PRKG1: variants seen among roughly 807,000 people sequenced by gnomAD.
The protein encoded by PRKG1 is cGMP-dependent protein kinase 1.
A neutral mutation model predicts 88.1 loss-of-function variants in PRKG1; 35 were observed. The observed-to-expected ratio is 0.40, with a 90% CI of 0.30 to 0.53. The LOEUF is 0.53. PRKG1 is among the 20% of genes least tolerant of loss of function. The pLI, the probability that PRKG1 is intolerant of heterozygous loss-of-function variation, is 0.59. For synonymous variants in PRKG1, 303 were observed against 292.5 expected, an observed-to-expected ratio of 1.04 and a Z score of -0.37; for missense variants, 540 against 839.8, an observed-to-expected ratio of 0.64 and a Z score of 4.41.
chr10:52,251,901 T>A, intron 10 of PRKG1: 1 of 430,296 alleles, frequency 2.3e-6, no homozygotes, highest in Non-Finnish European at 4.1e-6. Flanking sequence ...GAAAACCTCT[T>A]CATATTAAGT....
intron 3 of PRKG1, among the ~76,000 whole-genome samples, chr10:51,731,728 G>T (rs1211027855): frequency 6.6e-6 from 1 of 152,178 alleles, no homozygotes; most frequent in African/African-American, 2.4e-5. Context: ...TTTAGATTTG[G>T]AGAGAGAGAT....
At chr10:51,546,399 T>C (rs1842445916) in intron 3 of PRKG1, among the ~76,000 whole-genome samples, 1 of 152,130 alleles carries the variant, frequency 6.6e-6, no homozygotes, top group Non-Finnish European at 1.5e-5. Context: ...TACACTAATT[T>C]GTATTAATTC....
intron 2 of PRKG1, among the ~76,000 whole-genome samples, chr10:51,439,464 C>T (rs949900473): frequency 1.3e-5 from 2 of 151,870 alleles, no homozygotes; most frequent in Non-Finnish European, 2.9e-5. Flanking sequence ...CTCTGGCATT[C>T]CTACTTTTGC....
chr10:51,036,431 G>A (rs1341873452), intron 1 of PRKG1, among the ~76,000 whole-genome samples: 2 of 152,102 alleles, frequency 1.3e-5, no homozygotes, highest in Non-Finnish European at 2.9e-5. Context: ...ATATGAGCAT[G>A]GAGAAGGGAT....
At chr10:51,255,342 G>T (rs1839529439) in intron 2 of PRKG1, among the ~76,000 whole-genome samples, 1 of 152,066 alleles carries the variant, frequency 6.6e-6, no homozygotes, top group African/African-American at 2.4e-5. Context: ...TAGAAACACA[G>T]AATTTTAGAA....
chr10:51,480,321 T>TG (rs1840317662), intron 3 of PRKG1, among the ~76,000 whole-genome samples: 1 of 152,180 alleles, frequency 6.6e-6, no homozygotes, highest in African/African-American at 2.4e-5. Flanking sequence ...TTGCCAAAGG[T>TG]GTTCTTATAA....
At chr10:51,981,187 A>C (rs186441867) in intron 5 of PRKG1, among the ~76,000 whole-genome samples, 10 of 152,098 alleles carry the variant, frequency 6.6e-5, no homozygotes, top group Admixed American at 5.2e-4. Flanking sequence ...TCTGGTGATA[A>C]ATTCCCTCAG....
At chr10:51,497,280 T>C (rs1840886252) in intron 3 of PRKG1, among the ~76,000 whole-genome samples, 1 of 152,180 alleles carries the variant, frequency 6.6e-6, no homozygotes, top group Admixed American at 6.6e-5. Flanking sequence ...AGATTTTCTT[T>C]CTTAACAGTC....
chr10:51,807,886 T>C lies in PRKG1; in HGVS notation c.698+3196T>C, dbSNP rs573407605. On this transcript the variant is annotated intron_variant, in intron 4 of 17. Coordinates refer to ENST00000373980, the MANE Select transcript of PRKG1 (RefSeq NM_006258.4). ...TTCTATGGCTTGCCTCAGGGGAGAATGAGAAGCCAGAGACAGGAGGCAGGA... is the reference window on the plus strand; with the variant it reads ...TTCTATGGCTTGCCTCAGGGGAGAACGAGAAGCCAGAGACAGGAGGCAGGA... Among the ~76,000 whole-genome samples, 15 of 152,152 alleles carry C rather than the reference T, an allele frequency of 9.9e-5. No homozygotes were observed. In the South Asian group the frequency reaches 3.1e-3, roughly 32 times the overall value.
chr10:51,875,012 T>G (rs1205166420), intron 4 of PRKG1, among the ~76,000 whole-genome samples: 2 of 152,176 alleles, frequency 1.3e-5, no homozygotes, highest in Admixed American at 1.3e-4. Context: ...AAATGAGATA[T>G]TTCAAAAGTG....
chr10:51,857,204 C>A (rs1307498780), intron 4 of PRKG1, among the ~76,000 whole-genome samples: 1 of 152,106 alleles, frequency 6.6e-6, no homozygotes, highest in Non-Finnish European at 1.5e-5. Flanking sequence ...TCCAGTGAAA[C>A]TGAAGAGCTA....
chr10:51,430,149 C>A (rs1385360639), intron 2 of PRKG1, among the ~76,000 whole-genome samples: 1 of 148,966 alleles, frequency 6.7e-6, no homozygotes, highest in Non-Finnish European at 1.5e-5. Flanking sequence ...GGCGTGGTGG[C>A]TCATGCCTGT....
intron 3 of PRKG1, among the ~76,000 whole-genome samples, chr10:51,502,674 C>T (rs976452725): frequency 6.6e-6 from 1 of 152,082 alleles, no homozygotes; most frequent in Non-Finnish European, 1.5e-5. Context: ...CTATCCAAAT[C>T]CCACAGTTAC....
chr10:51,743,737 A>AATATATATATATATATATAT (rs369411662), intron 3 of PRKG1, among the ~76,000 whole-genome samples: 4 of 40,360 alleles, frequency 9.9e-5, no homozygotes, highest in Non-Finnish European at 1.7e-4. Flanking sequence ...ATATAAACTA[A>AATATATATATATATATATAT]ATATATATAT....
intron 3 of PRKG1, among the ~76,000 whole-genome samples, chr10:51,533,338 C>T (rs901953895): frequency 2.6e-5 from 4 of 152,254 alleles, no homozygotes; most frequent in Middle Eastern, 3.4e-3. Flanking sequence ...AACTGCTTTC[C>T]TCTATTTGGT....
intron 9 of PRKG1, among the ~76,000 whole-genome samples, chr10:52,203,903 A>G (rs984799376): frequency 2.6e-5 from 4 of 152,046 alleles, no homozygotes; most frequent in Non-Finnish European, 5.9e-5. Context: ...CTTTGAGCCA[A>G]TGAGAGTCAT....
chr10:52,105,488 G>A (rs556307064), intron 7 of PRKG1, among the ~76,000 whole-genome samples: 138 of 152,308 alleles, frequency 9.1e-4, no homozygotes, highest in African/African-American at 2.7e-3. Flanking sequence ...TTTGCAGAAT[G>A]TAGTAAGGTG....
chr10:51,701,458 G>A (rs1355813343), intron 3 of PRKG1, among the ~76,000 whole-genome samples: 2 of 152,140 alleles, frequency 1.3e-5, no homozygotes, highest in Non-Finnish European at 2.9e-5. Flanking sequence ...GTTTATATTT[G>A]CAAGTGACAA....
At chr10:51,550,736 T>G (rs189759512) in intron 3 of PRKG1, among the ~76,000 whole-genome samples, 64 of 152,022 alleles carry the variant, frequency 4.2e-4, no homozygotes, top group Non-Finnish European at 8.2e-4. Context: ...GAAGGTGAGG[T>G]AGCATAGGAA....
Sources: allele counts gnomAD v4.1 joint callset (sites outside exome capture counted in the v4.1 genomes callset), GRCh38; gene constraint gnomAD v4.1.1; transcripts MANE v1.5; gene names NCBI Gene and HGNC (gene_info 2026-07-23, HGNC 2026-07-21).